FRMD5: variants seen among roughly 807,000 people sequenced by gnomAD.
The protein encoded by FRMD5 is FERM domain-containing protein 5.
A neutral mutation model predicts 69.0 loss-of-function variants in FRMD5; 20 were observed. The observed-to-expected ratio is 0.29, with a 90% CI of 0.20 to 0.42. The LOEUF is 0.42. Ranked by LOEUF, FRMD5 falls within the 10% of genes least tolerant of loss-of-function variation. The probability of loss-of-function intolerance (pLI) is 1.00; values close to 1 mark genes in which losing one functional copy is unlikely to be tolerated. For missense variants in FRMD5, 595 were observed against 708.6 expected, an observed-to-expected ratio of 0.84 and a Z score of 1.82; for synonymous variants, 271 against 260.1, an observed-to-expected ratio of 1.04 and a Z score of -0.40.
At chr15:44,056,917 T>C (rs1264544316) in intron 1 of FRMD5, among the ~76,000 whole-genome samples, 1 of 152,130 alleles carries the variant, frequency 6.6e-6, no homozygotes, top group Non-Finnish European at 1.5e-5. Flanking sequence ...ACAAATTAAC[T>C]ATATACCCAG....
intron 1 of FRMD5, among the ~76,000 whole-genome samples, chr15:43,974,072 C>T (rs1201970984): frequency 6.7e-6 from 1 of 150,226 alleles, no homozygotes; most frequent in African/African-American, 2.5e-5. Context: ...TGAAGTTACT[C>T]TACTGGGTGG....
intron 1 of FRMD5, among the ~76,000 whole-genome samples, chr15:44,162,849 G>A (rs1384155508): frequency 1.6e-4 from 18 of 115,818 alleles, no homozygotes; most frequent in Admixed American, 3.2e-4. Flanking sequence ...CATGGGCAAC[G>A]AGAGCGAAAC....
At chr15:43,888,342 C>T (rs2088713334) in intron 9 of FRMD5, 76 bp from the exon 10 acceptor site, 3 of 1,035,468 alleles carry the variant, frequency 2.9e-6, no homozygotes, top group Admixed American at 3.7e-5. Flanking sequence ...GACCCTGACC[C>T]CAGAGCTGTT....
chr15:44,034,135 T>C (rs1167848857), intron 1 of FRMD5, among the ~76,000 whole-genome samples: 2 of 152,142 alleles, frequency 1.3e-5, no homozygotes, highest in Admixed American at 6.5e-5. Flanking sequence ...TTGGCAATAG[T>C]CTGGGCATGA....
intron 1 of FRMD5, among the ~76,000 whole-genome samples, chr15:44,042,578 C>T (rs558162498): frequency 2.0e-4 from 30 of 152,308 alleles, no homozygotes; most frequent in African/African-American, 7.2e-4. Flanking sequence ...AGCTTATCCA[C>T]CACGATCAAG....
chr15:43,874,510 T>C (rs2088270606), intron 13 of FRMD5, 48 bp from the exon 14 acceptor site: 1 of 1,464,358 alleles, frequency 6.8e-7, no homozygotes, highest in Non-Finnish European at 9.5e-7. Context: ...AATGCACCCT[T>C]TGCTTTCCAG....
At chr15:43,967,517 C>T (rs1172271918) in intron 1 of FRMD5, among the ~76,000 whole-genome samples, 3 of 152,064 alleles carry the variant, frequency 2.0e-5, no homozygotes, top group Non-Finnish European at 4.4e-5. Context: ...AGGCATGAGC[C>T]ACCGCACCCA....
chr15:43,924,062 A>G, intron 2 of FRMD5, 143 bp downstream of exon 2: 1 of 686,742 alleles, frequency 1.5e-6, no homozygotes, highest in Non-Finnish European at 2.6e-6. Context: ...GTCTAATGCT[A>G]TGATCTGAAG....
intron 1 of FRMD5, among the ~76,000 whole-genome samples, chr15:44,043,121 C>T (rs1892272586): frequency 6.6e-6 from 1 of 152,238 alleles, no homozygotes; most frequent in East Asian, 1.9e-4. Flanking sequence ...ACAACCATTC[C>T]TATACACCAA....
chr15:44,063,665 C>T (rs1893189505), intron 1 of FRMD5: 3 of 420,600 alleles, frequency 7.1e-6, no homozygotes, highest in Non-Finnish European at 1.4e-5. Context: ...TATGATTCCA[C>T]CCATAGCAAG....
intron 1 of FRMD5, among the ~76,000 whole-genome samples, chr15:44,028,103 G>C (rs1246848836): frequency 6.6e-6 from 1 of 152,162 alleles, no homozygotes; most frequent in Non-Finnish European, 1.5e-5. Context: ...AAAAGGAAGG[G>C]AGAATGAACA....
At chr15:43,926,176 CCTT>C (rs1400159378) in intron 1 of FRMD5, among the ~76,000 whole-genome samples, 6 of 152,104 alleles carry the variant, frequency 3.9e-5, no homozygotes, top group African/African-American at 1.4e-4. Flanking sequence ...TAACCCATAA[CCTT>C]CTACTTCAGA....
At position 44,091,726 on chromosome 15, in the gene FRMD5, T is replaced by TA. The variant is rs372216865; in HGVS notation, c.102+103226dup. On this transcript the variant is annotated intron_variant, in intron 1 of 13. Coordinates refer to ENST00000417257, the MANE Select transcript of FRMD5 (RefSeq NM_032892.5). ...CATCTTTTTTCCACAAACTTTTTTT[T>TA]ATTGAGAAAAGAAACTCTAGGCCAG... Among the ~76,000 whole-genome samples, 731 of 152,308 alleles carry TA rather than the reference T, an allele frequency of 4.8e-3. 10 individuals are homozygous for TA. Among genetic ancestry groups the TA allele is most frequent in the African/African-American group, 0.017 (699 of 41,580 alleles).
intron 1 of FRMD5, among the ~76,000 whole-genome samples, chr15:44,193,725 C>T (rs2615303): frequency 6.6e-6 from 1 of 152,254 alleles, no homozygotes; most frequent in East Asian, 1.9e-4. Context: ...GAAGGCTGAA[C>T]TGAGCACGGA....
intron 8 of FRMD5, among the ~76,000 whole-genome samples, chr15:43,889,326 T>C (rs2088741536): frequency 6.6e-6 from 1 of 152,202 alleles, no homozygotes; most frequent in South Asian, 2.1e-4. Context: ...GAGTTGAGTC[T>C]TTCAGGTGAC....
intron 1 of FRMD5, among the ~76,000 whole-genome samples, chr15:44,114,557 T>C (rs570544211): frequency 1.3e-5 from 2 of 152,352 alleles, no homozygotes; most frequent in Admixed American, 6.5e-5. Flanking sequence ...GCTATTTTTA[T>C]TGTGAAGGCA....
intron 4 of FRMD5, among the ~76,000 whole-genome samples, chr15:43,917,341 A>G (rs1273500171): frequency 1.3e-5 from 2 of 152,072 alleles, no homozygotes; most frequent in Admixed American, 6.6e-5. Context: ...TAAGGCAAAC[A>G]CTCTGGAGAT....
Position 43,878,248 on chromosome 15 carries a change from T to A in FRMD5, c.1136-3786A>T, listed in dbSNP as rs112745036. ...CACCACGCCCAGCCCCATTTTGTTA[T>A]AATGTTGATGAGAAAAAAAAAAGTT... On this transcript the variant is annotated intron_variant, in intron 13 of 13. Transcript: ENST00000417257. Among the ~76,000 whole-genome samples the A allele has an allele frequency of 2.9e-3, 449 of 152,222 alleles. 4 individuals carry two copies. The highest frequency in any genetic ancestry group is 3.4e-3 in the Admixed American group (52 of 15,284).
chr15:43,951,633 G>A (rs2090030906), intron 1 of FRMD5, among the ~76,000 whole-genome samples: 2 of 152,174 alleles, frequency 1.3e-5, no homozygotes, highest in South Asian at 4.1e-4. Context: ...ATGTGTGAAA[G>A]TAAGTCATGC....
Sources: gnomAD v4.1 joint callset for allele counts (sites outside exome capture counted in the v4.1 genomes callset) on GRCh38, gnomAD v4.1.1 for gene constraint, MANE v1.5 for transcripts, NCBI Gene and HGNC (gene_info 2026-07-23, HGNC 2026-07-21) for gene names.